The following ABTB3 variants were observed in gnomAD, a reference collection of about 807,000 sequenced individuals.
ABTB3 encodes ankyrin repeat and BTB domain containing 3.
chr12:107,492,065 G>A, the ABTB3 span, among the ~76,000 whole-genome samples: 1 of 152,172 alleles, frequency 6.6e-6, no homozygotes, highest in East Asian at 1.9e-4. Context: ...CGTGTTGATT[G>A]GCTGAAGAAT....
chr12:107,352,704 T>C, the ABTB3 span, among the ~76,000 whole-genome samples: 1 of 151,346 alleles, frequency 6.6e-6, no homozygotes, highest in Non-Finnish European at 1.5e-5. Flanking sequence ...TGATCATATC[T>C]GTGTTTTTCA....
At chr12:107,525,347 A>AAAAG in the ABTB3 span, among the ~76,000 whole-genome samples, 5 of 149,846 alleles carry the variant, frequency 3.3e-5, no homozygotes, top group Middle Eastern at 3.5e-3. Context: ...AAAAAAAAAA[A>AAAAG]AAAGAAAGAA....
At chr12:107,510,830 G>A in the ABTB3 span, among the ~76,000 whole-genome samples, 1 of 152,178 alleles carries the variant, frequency 6.6e-6, no homozygotes, top group Non-Finnish European at 1.5e-5. Context: ...GCTGACGTGG[G>A]AGGATGGCTT....
chr12:107,330,165 G>C, the ABTB3 span, among the ~76,000 whole-genome samples: 1 of 152,190 alleles, frequency 6.6e-6, no homozygotes, highest in East Asian at 1.9e-4. Flanking sequence ...ACTGCAGCTG[G>C]AATGGGAGAG....
chr12:107,581,200 G>T, the ABTB3 span: 1 of 1,536,688 alleles, frequency 6.5e-7, no homozygotes. Context: ...GGGTGGCCGT[G>T]GCGCACGCCG....
chr12:107,467,963 C>T, the ABTB3 span, among the ~76,000 whole-genome samples: 1 of 151,936 alleles, frequency 6.6e-6, no homozygotes, highest in African/African-American at 2.4e-5. Context: ...AGAAGAGGCC[C>T]CCCTCTCCCC....
chr12:107,366,600 G>A, the ABTB3 span, among the ~76,000 whole-genome samples: 708 of 152,268 alleles, frequency 4.6e-3, 3 homozygotes, highest in African/African-American at 0.011. Flanking sequence ...CTTAACTAGC[G>A]ACCAAATTAG....
the ABTB3 span, among the ~76,000 whole-genome samples, chr12:107,360,651 A>G: frequency 6.6e-6 from 1 of 152,326 alleles, no homozygotes; most frequent in East Asian, 1.9e-4. Context: ...AGTCCTATTT[A>G]CCTAATGGCT....
the ABTB3 span, among the ~76,000 whole-genome samples, chr12:107,388,910 A>G: frequency 6.6e-6 from 1 of 152,152 alleles, no homozygotes; most frequent in East Asian, 1.9e-4. Flanking sequence ...TGGATACATT[A>G]ATTTAACAAA....
At chr12:107,425,945 C>T in the ABTB3 span, among the ~76,000 whole-genome samples, 1 of 152,214 alleles carries the variant, frequency 6.6e-6, no homozygotes, top group Non-Finnish European at 1.5e-5. Context: ...CCTTCTGAGT[C>T]GTTTGGAGTT....
At chr12:107,512,819 C>A in the ABTB3 span, among the ~76,000 whole-genome samples, 1 of 152,196 alleles carries the variant, frequency 6.6e-6, no homozygotes, top group Non-Finnish European at 1.5e-5. Flanking sequence ...TTCCTCTATG[C>A]CAGGTATTTT....
the ABTB3 span, among the ~76,000 whole-genome samples, chr12:107,517,659 GCT>G: frequency 2.6e-5 from 4 of 152,192 alleles, no homozygotes; most frequent in African/African-American, 9.6e-5. Flanking sequence ...TCATGATTTG[GCT>G]CTCTGTTTGT....
At chr12:107,430,314 C>G in the ABTB3 span, among the ~76,000 whole-genome samples, 25 of 152,156 alleles carry the variant, frequency 1.6e-4, no homozygotes, top group Admixed American at 1.6e-3. Context: ...TTGAACATGA[C>G]ATTTGCCCAG....
chr12:107,416,069 C>T, the ABTB3 span, among the ~76,000 whole-genome samples: 10 of 152,206 alleles, frequency 6.6e-5, no homozygotes, highest in East Asian at 1.9e-4. Context: ...TTCGGGCAGG[C>T]GCAGCTGCAA....
At chr12:107,534,633 C>T in the ABTB3 span, among the ~76,000 whole-genome samples, 1 of 152,040 alleles carries the variant, frequency 6.6e-6, no homozygotes, top group Non-Finnish European at 1.5e-5. Flanking sequence ...GACAGAAATA[C>T]AAAGGATCAT....
chr12:107,380,425 T>C, the ABTB3 span, among the ~76,000 whole-genome samples: 2 of 152,168 alleles, frequency 1.3e-5, no homozygotes, highest in African/African-American at 4.8e-5. Context: ...TGGCTGCGTG[T>C]CCCAACATGA....
the ABTB3 span, chr12:107,635,524 GGA>G: frequency 1.6e-6 from 1 of 639,418 alleles, no homozygotes; most frequent in Non-Finnish European, 2.6e-6. Flanking sequence ...TCAGGCCGGG[GGA>G]GATCAGAATT....
At chr12:107,382,407 C>T in the ABTB3 span, among the ~76,000 whole-genome samples, 3 of 152,098 alleles carry the variant, frequency 2.0e-5, no homozygotes, top group Admixed American at 6.6e-5. Context: ...TTTAAAAGAT[C>T]CTCTTTGTAG....
chr12:107,391,592 TA>T, the ABTB3 span, among the ~76,000 whole-genome samples: 1 of 152,228 alleles, frequency 6.6e-6, no homozygotes, highest in Non-Finnish European at 1.5e-5. Flanking sequence ...ATGAATTCCC[TA>T]AGAGCACACA....
Sources: gnomAD v4.1 joint callset for allele counts (sites outside exome capture counted in the v4.1 genomes callset) on GRCh38, gnomAD v4.1.1 for gene constraint, MANE v1.5 for transcripts, NCBI Gene and HGNC (gene_info 2026-07-23, HGNC 2026-07-21) for gene names.